The following RNF38 variants were observed in gnomAD, a reference collection of about 807,000 sequenced individuals.
RNF38 encodes E3 ubiquitin-protein ligase RNF38.
A neutral mutation model predicts 67.2 loss-of-function variants in RNF38; 15 were observed. The ratio of observed to expected loss-of-function variants is 0.22; its 90% CI spans 0.15 to 0.34. The LOEUF (loss-of-function observed/expected upper bound fraction) is 0.34, where lower values mean the gene tolerates loss of function less well. RNF38 is among the 10% of genes least tolerant of loss of function. The pLI is 1.00. For missense variants in RNF38, 524 were observed against 639.9 expected, an observed-to-expected ratio of 0.82 and a Z score of 1.95; for synonymous variants, 220 against 218.8, an observed-to-expected ratio of 1.01 and a Z score of -0.05.
At position 36,414,888 on chromosome 9, in the gene RNF38, C is replaced by T. The variant is rs190768768; in HGVS notation, n.312+9725G>A. Among the ~76,000 whole-genome samples the T allele has an allele frequency of 7.4e-4, 113 of 152,258 alleles. 2 individuals carry two copies. Among genetic ancestry groups the T allele is most frequent in the Admixed American group, 6.7e-3 (102 of 15,290 alleles). On this transcript the variant is annotated intron_variant and non_coding_transcript_variant, in intron 2 of 3. Coordinates refer to the RNF38 transcript ENST00000488058. ...AGGAGGCTAAACATAGGACTCCAAT[C>T]CCTTCTAGCTTGCAGGGTTTCTGCT... is the stretch of plus-strand genomic sequence containing the variant.
At chr9:36,368,798 G>A (rs543280350) in intron 4 of RNF38, among the ~76,000 whole-genome samples, 3 of 151,800 alleles carry the variant, frequency 2.0e-5, no homozygotes, top group Non-Finnish European at 1.5e-5. Flanking sequence ...GCATTCTCTG[G>A]TAATTTTTTT....
At chr9:36,462,672 G>GA (rs1839760311) in intron 1 of RNF38, among the ~76,000 whole-genome samples, 1 of 137,670 alleles carries the variant, frequency 7.3e-6, no homozygotes, top group Non-Finnish European at 1.6e-5. Flanking sequence ...CTGACCAACT[G>GA]ATTGATTTTT....
intron 2 of RNF38, among the ~76,000 whole-genome samples, chr9:36,414,455 G>C (rs1838408235): frequency 6.6e-6 from 1 of 151,956 alleles, no homozygotes; most frequent in African/African-American, 2.4e-5. Context: ...GAGGCTGAGG[G>C]GGGCAGATCA....
chr9:36,460,481 C>T (rs916631955), intron 1 of RNF38, among the ~76,000 whole-genome samples: 9 of 152,252 alleles, frequency 5.9e-5, no homozygotes, highest in Admixed American at 5.9e-4. Context: ...AGGGTTGATC[C>T]AGAAAGTAAG....
rs925654552 is a variant in RNF38, at chr9:36,337,315, C to T, written c.*2437G>A. ...GAGCCCCATGCAAAGACAAGACATT[C>T]CCAAAGATCAGTCACTAGAGTGCAA... is the stretch of plus-strand genomic sequence containing the variant. On this transcript the variant is annotated 3_prime_UTR_variant, in exon 12 of 12. Coordinates refer to ENST00000259605, the MANE Select transcript of RNF38 (RefSeq NM_022781.5). The T allele has an allele frequency of 6.6e-6, 1 of 152,664 alleles. No individual in the cohort carries two copies. Among genetic ancestry groups the T allele is most frequent in the Admixed American group, 6.5e-5 (1 of 15,274 alleles). 9.5% of individuals were successfully genotyped at this position (152,664 alleles called of 1,614,324 possible).
chr9:36,356,510 C>T (rs1293124058), intron 5 of RNF38, 37 bp from the exon 6 acceptor site: 1 of 1,489,260 alleles, frequency 6.7e-7, no homozygotes, highest in African/African-American at 1.4e-5. Context: ...TTAAAAATAT[C>T]AGAATATATG....
intron 1 of RNF38, among the ~76,000 whole-genome samples, chr9:36,437,904 G>T (rs1389197301): frequency 6.6e-6 from 1 of 152,142 alleles, no homozygotes; most frequent in Non-Finnish European, 1.5e-5. Context: ...TTACAAAAAG[G>T]TTTGTAGGCA....
chr9:36,445,431 T>A (rs1196595989), intron 1 of RNF38, among the ~76,000 whole-genome samples: 3 of 152,254 alleles, frequency 2.0e-5, no homozygotes, highest in Non-Finnish European at 4.4e-5. Context: ...TTTGTTGCAT[T>A]CTTTTTCATA....
At position 36,456,344 on chromosome 9, in the gene RNF38, A is replaced by T. The variant is rs1346221159; in HGVS notation, n.241+30964T>A. On this transcript the variant is annotated intron_variant and non_coding_transcript_variant, in intron 1 of 3. Coordinates refer to the RNF38 transcript ENST00000488058. Reference sequence around the variant, plus strand: ...AATGCTGGGATTACAGGCGTGAGCCACAGTAGCTGGTCTCAAACAATTTTT... The same window carrying T: ...AATGCTGGGATTACAGGCGTGAGCCTCAGTAGCTGGTCTCAAACAATTTTT... 2.0e-5 allele frequency among the ~76,000 whole-genome samples: 3 copies of T among 152,244 alleles called. No homozygotes were observed. In the East Asian group the frequency reaches 5.8e-4, roughly 29 times the overall value.
upstream of RNF38, among the ~76,000 whole-genome samples, chr9:36,404,051 C>T (rs535899665): frequency 6.6e-6 from 1 of 152,226 alleles, no homozygotes; most frequent in South Asian, 2.1e-4. Flanking sequence ...AAGACATTCA[C>T]CTATATTATT....
At position 36,337,316 on chromosome 9, in the gene RNF38, CCAAAGAT is replaced by C. The variant is rs1183530706; in HGVS notation, c.*2429_*2435del. The C allele has an allele frequency of 6.6e-6, 1 of 152,642 alleles. No individual in the cohort carries two copies. Among genetic ancestry groups the C allele is most frequent in the Non-Finnish European group, 1.5e-5 (1 of 68,034 alleles). The allele number at this position is 152,642 out of a possible 1,614,324, so 9.5% of individuals were successfully genotyped here. ...AGCCCCATGCAAAGACAAGACATTC[CCAAAGAT>C]CAGTCACTAGAGTGCAACAACGAAA... is the stretch of plus-strand genomic sequence containing the variant. On this transcript the variant is annotated 3_prime_UTR_variant, in exon 12 of 12. Coordinates refer to ENST00000259605, the MANE Select transcript of RNF38 (RefSeq NM_022781.5).
At chr9:36,380,556 G>A (rs919136903) in intron 2 of RNF38, among the ~76,000 whole-genome samples, 1 of 151,812 alleles carries the variant, frequency 6.6e-6, no homozygotes, top group African/African-American at 2.4e-5. Flanking sequence ...GCAGTGGCAC[G>A]ATCTCAGCTC....
intron 2 of RNF38, among the ~76,000 whole-genome samples, chr9:36,385,856 T>C (rs1836588143): frequency 1.3e-5 from 2 of 152,158 alleles, no homozygotes; most frequent in Admixed American, 6.6e-5. Context: ...ATTGAACAAA[T>C]TGGGTTACAA....
chr9:36,465,694 G>A (rs1839842335), intron 1 of RNF38, among the ~76,000 whole-genome samples: 1 of 152,166 alleles, frequency 6.6e-6, no homozygotes, highest in Non-Finnish European at 1.5e-5. Context: ...ATCCATATGT[G>A]CATTAACTGA....
At chr9:36,461,877 T>C (rs1839741675) in intron 1 of RNF38, among the ~76,000 whole-genome samples, 3 of 152,138 alleles carry the variant, frequency 2.0e-5, no homozygotes, top group African/African-American at 7.2e-5. Flanking sequence ...AAAATACAAA[T>C]TTGGGGATTC....
At position 36,376,031 on chromosome 9, in the gene RNF38, A is replaced by G. The variant is rs1293077487; in HGVS notation, c.259T>C (p.Trp87Arg). 1 of 1,613,222 alleles carries G rather than the reference A, an allele frequency of 6.2e-7. No homozygotes were observed. The highest frequency in any genetic ancestry group is 8.5e-7 in the Non-Finnish European group (1 of 1,179,704). ...GGCTGCCTATTTGATGTCATCTCCC[A>G]TGGTCGCATTGGTGGTGAGGGAGCT... ...SPAPSPPMRP[W>R]EMTSNRQPPS... Residue 87 changes from tryptophan (W) to arginine (R), a missense_variant, in exon 3 of 12, where the codon TGG becomes CGG. Physicochemically the swap from Trp to Arg is moderately radical, Grantham distance 101. Transcript: ENST00000259605.
chr9:36,429,147 T>A (rs1838863003), intron 1 of RNF38, among the ~76,000 whole-genome samples: 1 of 152,212 alleles, frequency 6.6e-6, no homozygotes, highest in South Asian at 2.1e-4. Context: ...ATGCTCTAAC[T>A]TTTAAATAAA....
chr9:36,439,452 G>A (rs543562929), intron 1 of RNF38, among the ~76,000 whole-genome samples: 29 of 152,162 alleles, frequency 1.9e-4, no homozygotes, highest in African/African-American at 5.5e-4. Flanking sequence ...CTTATATGAC[G>A]TATGTAAAGA....
intron 2 of RNF38, among the ~76,000 whole-genome samples, chr9:36,377,942 C>T (rs961332697): frequency 2.0e-5 from 3 of 151,798 alleles, no homozygotes; most frequent in African/African-American, 7.3e-5. Flanking sequence ...ACCAACTAAT[C>T]TAGTAAAAGT....
Sources: gnomAD v4.1 joint callset for allele counts (sites outside exome capture counted in the v4.1 genomes callset) on GRCh38, gnomAD v4.1.1 for gene constraint, MANE v1.5 for transcripts, NCBI Gene and HGNC (gene_info 2026-07-23, HGNC 2026-07-21) for gene names.